ANXA2: variants seen among roughly 807,000 people sequenced by gnomAD.
The protein encoded by ANXA2 is annexin A2.
Under a neutral mutation model 47.3 loss-of-function variants are expected in ANXA2, and 28 were observed. That is an observed-to-expected ratio of 0.59 (90% CI 0.44 to 0.81). The LOEUF (loss-of-function observed/expected upper bound fraction) is 0.81. ANXA2 is among the 40% of genes least tolerant of loss of function. The pLI is 0.00. For missense variants in ANXA2, 384 were observed against 414.3 expected, an observed-to-expected ratio of 0.93 and a Z score of 0.64; for synonymous variants, 172 against 155.5, an observed-to-expected ratio of 1.11 and a Z score of -0.79.
chr15:60,395,847 C>G (rs1016242554), intron 1 of ANXA2: 1 of 152,216 alleles, frequency 6.6e-6, no homozygotes, highest in Non-Finnish European at 1.5e-5. Flanking sequence ...TGTAAAAATG[C>G]ACATACATGT....
intron 3 of ANXA2, among the ~76,000 whole-genome samples, chr15:60,381,071 G>T (rs1229749955): frequency 2.6e-5 from 4 of 152,108 alleles, no homozygotes; most frequent in Admixed American, 2.6e-4. Context: ...ACCATGTAAT[G>T]TATCCTCCAA....
At chr15:60,377,748 C>T (rs532623888) in intron 3 of ANXA2, among the ~76,000 whole-genome samples, 4 of 152,110 alleles carry the variant, frequency 2.6e-5, no homozygotes, top group Non-Finnish European at 5.9e-5. Context: ...AAGTGACGTA[C>T]GTCTGTTTCC....
chr15:60,367,107 C>T (rs1480356059), intron 3 of ANXA2, among the ~76,000 whole-genome samples: 1 of 68,482 alleles, frequency 1.5e-5, no homozygotes, highest in Non-Finnish European at 2.9e-5. Context: ...CCGCCCCATC[C>T]GGGAGGGAGG....
At chr15:60,373,756 A>G (rs1393836349) in intron 3 of ANXA2, among the ~76,000 whole-genome samples, 1 of 152,220 alleles carries the variant, frequency 6.6e-6, no homozygotes, top group Non-Finnish European at 1.5e-5. Context: ...TACTTATTTT[A>G]CCAGGATGCA....
chr15:60,381,796 A>G (rs1411348130), intron 3 of ANXA2, among the ~76,000 whole-genome samples: 2 of 152,254 alleles, frequency 1.3e-5, no homozygotes, highest in South Asian at 2.1e-4. Context: ...TAATTAAATT[A>G]AAGGGGACTT....
chr15:60,367,534 C>T (rs1318320410), intron 3 of ANXA2, among the ~76,000 whole-genome samples: 27 of 52,916 alleles, frequency 5.1e-4, no homozygotes, highest in Non-Finnish European at 7.9e-4. Flanking sequence ...CCCCTCTGCC[C>T]GGCCAGCCGC....
At chr15:60,372,280 G>A (rs780119568) in intron 3 of ANXA2, among the ~76,000 whole-genome samples, 3 of 152,004 alleles carry the variant, frequency 2.0e-5, no homozygotes, top group Admixed American at 6.6e-5. Flanking sequence ...TTGTCATCCC[G>A]GTTGTACTAA....
chr15:60,396,402 G>C (rs542149824), intron 1 of ANXA2: 2 of 152,288 alleles, frequency 1.3e-5, no homozygotes, highest in Admixed American at 6.5e-5. Context: ...GTTGTAATGC[G>C]TCACGGAAGA....
chr15:60,392,347 A>T (rs1399142201), intron 1 of ANXA2, among the ~76,000 whole-genome samples: 2 of 152,132 alleles, frequency 1.3e-5, no homozygotes, highest in African/African-American at 4.8e-5. Flanking sequence ...ATTACTTTTA[A>T]TGGCAAAAAC....
chr15:60,386,202 G>A (rs2062931583), intron 1 of ANXA2, 116 bp from the exon 2 acceptor site: 1 of 723,452 alleles, frequency 1.4e-6, no homozygotes, highest in Non-Finnish European at 2.3e-6. Context: ...CGATATTGGA[G>A]TAGTTTTTGC....
chr15:60,364,506 T>C lies in ANXA2; in HGVS notation c.166A>G (p.Ile56Val), dbSNP rs1434609554. 4 of 1,613,282 alleles carry C rather than the reference T, an allele frequency of 2.5e-6. No individual in the cohort carries two copies. Among genetic ancestry groups the C allele is most frequent in the South Asian group, 2.2e-5 (2 of 90,860 alleles). The part of the protein sequence containing the change: ...IKTKGVDEVT[I>V]VNILTNRSNA... ...CTGCGGTTGGTCAAAATGTTGACAA[T>C]GGTGACCTCATCCACACCTATGGAA... The change falls in exon 4 of 13, where the codon ATT (isoleucine) becomes GTT (valine). Residue 56 changes from isoleucine (I) to valine (V), a missense_variant. Physicochemically the swap from Ile to Val is conservative, Grantham distance 29. Transcript: ENST00000451270.
At position 60,388,561 on chromosome 15, in the gene ANXA2, A is replaced by G. The variant is rs535737294; in HGVS notation, c.-11-2475T>C. Among the ~76,000 whole-genome samples, 8 of 150,564 alleles carry G rather than the reference A, an allele frequency of 5.3e-5. No homozygotes were observed. The South Asian group carries it at 1.7e-3, about 32-fold the overall frequency. The stretch of plus-strand genomic sequence containing the variant: ...GATATGTTGAATATATCTTATTTCC[A>G]TTTAATTTCCTTTTTCCTTTTTCCA... On this transcript the variant is annotated intron_variant, in intron 1 of 12. Transcript: ENST00000451270.
chr15:60,397,871 C>T (rs771874058), intron 1 of ANXA2, 72 bp downstream of exon 1: 2 of 1,382,438 alleles, frequency 1.4e-6, no homozygotes, highest in Non-Finnish European at 1.9e-6. Context: ...CAGGCCGTAC[C>T]CTTCTTCCCA....
intron 3 of ANXA2, chr15:60,374,402 A>C (rs1373302907): frequency 2.2e-6 from 1 of 452,814 alleles, no homozygotes; most frequent in Admixed American, 2.4e-5. Flanking sequence ...CAGAAAATTA[A>C]AAAATGTGAA....
chr15:60,350,347 A>C (rs911992213), intron 11 of ANXA2, among the ~76,000 whole-genome samples: 1 of 152,158 alleles, frequency 6.6e-6, no homozygotes, highest in African/African-American at 2.4e-5. Context: ...AAGCAGTCTG[A>C]GTCTCCATAT....
intron 3 of ANXA2, among the ~76,000 whole-genome samples, chr15:60,381,954 G>C (rs1424194682): frequency 3.6e-5 from 5 of 140,116 alleles, no homozygotes; most frequent in African/African-American, 1.3e-4. Context: ...CCATTACTTG[G>C]TTAAAATACT....
chr15:60,388,586 A>AT (rs1020272867), intron 1 of ANXA2, among the ~76,000 whole-genome samples: 3 of 129,296 alleles, frequency 2.3e-5, no homozygotes, highest in African/African-American at 6.0e-5. Flanking sequence ...TCCTTTTTCC[A>AT]TTTTTTTTCC....
chr15:60,357,111 C>G (rs2062442272), intron 6 of ANXA2, 35 bp downstream of exon 6: 1 of 1,593,472 alleles, frequency 6.3e-7, no homozygotes, highest in Non-Finnish European at 8.6e-7. Flanking sequence ...ATAAATTGGG[C>G]TGAGAGGATG....
intron 6 of ANXA2, 92 bp downstream of exon 6, chr15:60,357,054 A>G (rs1276866415): frequency 1.1e-5 from 13 of 1,135,970 alleles, no homozygotes; most frequent in South Asian, 2.6e-5. Flanking sequence ...TCACTAATGC[A>G]GGCATCTTAG....
Sources: gnomAD v4.1 joint callset for allele counts (sites outside exome capture counted in the v4.1 genomes callset) on GRCh38, gnomAD v4.1.1 for gene constraint, MANE v1.5 for transcripts, NCBI Gene and HGNC (gene_info 2026-07-23, HGNC 2026-07-21) for gene names.